Variants in PCDHGA5 observed in about 807,000 individuals in gnomAD.
The protein encoded by PCDHGA5 is protocadherin gamma subfamily A, 5, also known as protocadherin gamma-A5.
A neutral mutation model predicts 56.7 loss-of-function variants in PCDHGA5; 36 were observed. The ratio of observed to expected loss-of-function variants is 0.64; its 90% CI spans 0.49 to 0.84. PCDHGA5 has a LOEUF of 0.84. PCDHGA5 is among the 40% of genes least tolerant of loss of function. The pLI, the probability that PCDHGA5 is intolerant of heterozygous loss-of-function variation, is 0.00. For synonymous variants in PCDHGA5, 563 were observed against 520.2 expected, an observed-to-expected ratio of 1.08 and a Z score of -1.12; for missense variants, 1,305 against 1,201.5, an observed-to-expected ratio of 1.09 and a Z score of -1.27.
At position 141,366,326 on chromosome 5, in the gene PCDHGA5, G is replaced by T; in HGVS notation, c.1996G>T (p.Asp666Tyr). Residue 666 changes from aspartate (D) to tyrosine (Y), a missense_variant, in exon 1 of 4, where the codon GAC becomes TAC. Transcript: ENST00000518069. Reference sequence around the variant, plus strand: ...CTTCACGGTCACCGTTGCCGTGGCCGACAGGATCCCTGACATCCTGGCTGA... The same window carrying T: ...CTTCACGGTCACCGTTGCCGTGGCCTACAGGATCCCTGACATCCTGGCTGA... ...ATFTVTVAVA[D>Y]RIPDILADLG... The T allele has an allele frequency of 6.2e-7, 1 of 1,613,810 alleles. No homozygotes were observed.
In PCDHGA5 at chr5:141,409,485, G is replaced by A. The variant is rs374642418; in HGVS notation, c.2421+42734G>A. On this transcript the variant is annotated intron_variant, in intron 1 of 3. Coordinates refer to ENST00000518069, the MANE Select transcript of PCDHGA5 (RefSeq NM_018918.3). ...GTCACCATCGTAGCCACTGACAGGG[G>A]CAAGCCGCCTCTTTCTTCCAGTAGA... 9.9e-6 allele frequency: 16 copies of A among 1,613,856 alleles called. No homozygotes were observed. Among genetic ancestry groups the A allele is most frequent in the African/African-American group, 9.3e-5 (7 of 74,934 alleles).
intron 1 of PCDHGA5, chr5:141,414,606 A>C: frequency 6.2e-7 from 1 of 1,613,944 alleles, no homozygotes; most frequent in Non-Finnish European, 8.5e-7. Flanking sequence ...CCATCTTCTC[A>C]GTGACAGCGC....
At chr5:141,371,960 C>T (rs771450244) in intron 1 of PCDHGA5, 16 of 1,613,142 alleles carry the variant, frequency 9.9e-6, no homozygotes, top group Admixed American at 1.7e-5. Flanking sequence ...CCTTCGACCA[C>T]GAGCAGCTGC....
Position 141,366,482 on chromosome 5 carries a change from C to A in PCDHGA5, c.2152C>A (p.Arg718Ser). The A allele has an allele frequency of 6.2e-7, 1 of 1,614,242 alleles. No individual in the cohort carries two copies. The highest frequency in any genetic ancestry group is 8.5e-7 in the Non-Finnish European group (1 of 1,180,048). ...VIVLLVLRLR[R>S]WHKSRLLQAE... ...CGTGCTGCTGGTGCTCAGACTGAGG[C>A]GCTGGCACAAGTCACGCCTGCTTCA... is the stretch of plus-strand genomic sequence containing the variant. Residue 718 changes from arginine to serine, a missense_variant, in exon 1 of 4, where the codon CGC becomes AGC. Coordinates refer to ENST00000518069, the MANE Select transcript of PCDHGA5 (RefSeq NM_018918.3).
At chr5:141,494,682 C>G (rs1282135022) in intron 1 of PCDHGA5, 125 bp from the exon 2 acceptor site, 16 of 1,564,362 alleles carry the variant, frequency 1.0e-5, no homozygotes, top group African/African-American at 1.4e-5. Context: ...ACCCCTGCCC[C>G]CTCTTAGTCC....
intron 1 of PCDHGA5, chr5:141,390,426 T>C: frequency 9.8e-7 from 1 of 1,021,884 alleles, no homozygotes; most frequent in Non-Finnish European, 1.4e-6. Flanking sequence ...TAAAAAGCTG[T>C]CATATCATTC....
chr5:141,470,869 T>C (rs1215083835), intron 1 of PCDHGA5, among the ~76,000 whole-genome samples: 1 of 151,910 alleles, frequency 6.6e-6, no homozygotes, highest in African/African-American at 2.4e-5. Context: ...TTTGTTTGTT[T>C]GTTTTTTTGT....
In PCDHGA5 at chr5:141,491,737, G is replaced by A; in HGVS notation, c.2422-3070G>A. The A allele has an allele frequency of 6.2e-7, 1 of 1,600,586 alleles. No homozygotes were observed. Among genetic ancestry groups the A allele is most frequent in the Non-Finnish European group, 8.5e-7 (1 of 1,174,266 alleles). On this transcript the variant is annotated intron_variant, in intron 1 of 3. Coordinates refer to ENST00000518069, the MANE Select transcript of PCDHGA5 (RefSeq NM_018918.3). This position sits in a 1 kb window ranked among gnomAD's most constrained non-coding sequence, Gnocchi z 6.9. ...GGCGCCGCCCCGGGCGACCCCTGGG[G>A]GCGGCACTGGAGAAGCCGCCCGTCC...
At chr5:141,428,174 G>A (rs962782246) in intron 1 of PCDHGA5, 3 of 1,515,246 alleles carry the variant, frequency 2.0e-6, no homozygotes, top group Non-Finnish European at 2.7e-6. Context: ...TGTGCGTGAC[G>A]GAGGACAGCC....
intron 1 of PCDHGA5, chr5:141,375,512 C>T (rs1300082311): frequency 1.3e-5 from 21 of 1,613,936 alleles, no homozygotes; most frequent in Non-Finnish European, 1.7e-5. Flanking sequence ...TGTGAATGCA[C>T]TGGACCCTGA....
intron 1 of PCDHGA5, among the ~76,000 whole-genome samples, chr5:141,457,190 G>A (rs2098913282): frequency 6.6e-6 from 1 of 152,200 alleles, no homozygotes; most frequent in African/African-American, 2.4e-5. Context: ...GTAGAGTGAG[G>A]AAAGCAGTTC....
chr5:141,414,855 C>G, intron 1 of PCDHGA5: 1 of 1,614,238 alleles, frequency 6.2e-7, no homozygotes, highest in South Asian at 1.1e-5. Flanking sequence ...TGGACCAGAA[C>G]GACAATGCGC....
intron 1 of PCDHGA5, among the ~76,000 whole-genome samples, chr5:141,381,588 C>A (rs950260472): frequency 6.6e-6 from 1 of 152,192 alleles, no homozygotes; most frequent in African/African-American, 2.4e-5. Context: ...AATCCATTAT[C>A]CAGTTTCTTA....
intron 1 of PCDHGA5, chr5:141,415,906 A>C (rs2154546200): frequency 1.3e-6 from 1 of 784,990 alleles, no homozygotes; most frequent in East Asian, 3.5e-5. Context: ...ACAGACTTCC[A>C]TACAGAAGTG....
At chr5:141,403,300 G>C (rs1469024873) in intron 1 of PCDHGA5, 4 of 1,613,892 alleles carry the variant, frequency 2.5e-6, no homozygotes, top group Non-Finnish European at 3.4e-6. Context: ...GAGTGAAACT[G>C]TACGGAATAG....
At chr5:141,394,662 T>C in intron 1 of PCDHGA5, 3 of 1,613,258 alleles carry the variant, frequency 1.9e-6, no homozygotes, top group African/African-American at 2.7e-5. Flanking sequence ...GCCGGGACTC[T>C]TCTCGGTGGG....
At chr5:141,383,499 G>A (rs1779188122) in intron 1 of PCDHGA5, 1 of 1,612,970 alleles carries the variant, frequency 6.2e-7, no homozygotes. Flanking sequence ...AGCGGGTGCT[G>A]GACCGGGAGG....
rs187873649 is a variant in PCDHGA5, at chr5:141,469,715, G to A, written c.2422-25092G>A. ...TATGACCTAGTAATCACACTATTAG[G>A]AATTTATCATAAATACACACCTCAA... On this transcript the variant is annotated intron_variant, in intron 1 of 3. Coordinates refer to ENST00000518069, the MANE Select transcript of PCDHGA5 (RefSeq NM_018918.3). Among the ~76,000 whole-genome samples, 552 of 152,160 alleles carry A rather than the reference G, an allele frequency of 3.6e-3. 1 individual carries two copies. Among genetic ancestry groups the A allele is most frequent in the Non-Finnish European group, 5.8e-3 (397 of 68,008 alleles).
At chr5:141,426,013 T>C (rs2096909409) in intron 1 of PCDHGA5, among the ~76,000 whole-genome samples, 1 of 152,144 alleles carries the variant, frequency 6.6e-6, no homozygotes, top group Admixed American at 6.5e-5. Flanking sequence ...CCGGCTGCAG[T>C]TTTCTAAATA....
Sources: allele counts gnomAD v4.1 joint callset (sites outside exome capture counted in the v4.1 genomes callset), GRCh38; gene constraint gnomAD v4.1.1; non-coding constraint Gnocchi (gnomAD v3.1); transcripts MANE v1.5; gene names NCBI Gene and HGNC (gene_info 2026-07-23, HGNC 2026-07-21).